The following CARMIL1 variants were observed in gnomAD, a reference collection of about 807,000 sequenced individuals.
CARMIL1 encodes F-actin-uncapping protein LRRC16A.
CARMIL1 carries 90 observed loss-of-function variants against 177.1 expected under a neutral mutation model. The ratio of observed to expected loss-of-function variants is 0.51; its 90% CI spans 0.43 to 0.61. The LOEUF (loss-of-function observed/expected upper bound fraction) is 0.61. CARMIL1 is among the 20% of genes least tolerant of loss of function. The probability of loss-of-function intolerance (pLI) is 0.00; values close to 1 mark genes in which losing one functional copy is unlikely to be tolerated. For synonymous variants in CARMIL1, 577 were observed against 606.2 expected (o/e 0.95, Z 0.71); for missense variants, 1,380 against 1,667.0 (o/e 0.83, Z 3.00).
chr6:25,583,947 G>A (rs80146682), intron 31 of CARMIL1, among the ~76,000 whole-genome samples: 2,931 of 151,554 alleles, frequency 0.019, 82 homozygotes, highest in African/African-American at 0.061. Context: ...CTGCGAAATG[G>A]CTTAAGTTTA....
chr6:25,445,169 AC>A (rs1332948426), intron 5 of CARMIL1, among the ~76,000 whole-genome samples: 1 of 152,182 alleles, frequency 6.6e-6, no homozygotes, highest in Non-Finnish European at 1.5e-5. Flanking sequence ...ATCTCAAGAA[AC>A]TTCTTTCTTT....
At chr6:25,470,196 C>T (rs961933869) in intron 9 of CARMIL1, among the ~76,000 whole-genome samples, 4 of 152,120 alleles carry the variant, frequency 2.6e-5, no homozygotes, top group Non-Finnish European at 4.4e-5. Flanking sequence ...CCTATTTATG[C>T]TCCAGTAGGA....
chr6:25,609,664 G>A (rs1171767298), intron 35 of CARMIL1, among the ~76,000 whole-genome samples: 1 of 152,176 alleles, frequency 6.6e-6, no homozygotes, highest in African/African-American at 2.4e-5. Flanking sequence ...AGTGACTATT[G>A]TACTGGGTTT....
chr6:25,402,229 A>G lies in CARMIL1; in HGVS notation c.139-17885A>G, dbSNP rs1368102767. ...AGAGTGCTTTGAACTTAAAGCAGGA[A>G]GATTGTTCAATTATAATAAGACTCT... is the stretch of plus-strand genomic sequence containing the variant. On this transcript the variant is annotated intron_variant, in intron 2 of 36. Coordinates refer to ENST00000329474, the MANE Select transcript of CARMIL1 (RefSeq NM_017640.6). Among the ~76,000 whole-genome samples the G allele has an allele frequency of 3.9e-5, 6 of 152,238 alleles. No individual in the cohort carries two copies. In the East Asian group the frequency reaches 5.8e-4, roughly 15 times the overall value.
In CARMIL1 at chr6:25,294,229, A is replaced by T. The variant is rs141428004; in HGVS notation, c.138+9320A>T. 1.4e-4 allele frequency among the ~76,000 whole-genome samples: 21 copies of T among 152,270 alleles called. No homozygotes were observed. In the East Asian group the frequency reaches 4.1e-3, roughly 29 times the overall value. On this transcript the variant is annotated intron_variant, in intron 2 of 36. Coordinates refer to ENST00000329474, the MANE Select transcript of CARMIL1 (RefSeq NM_017640.6). ...TGCTTAGTTCCTGCTAAGAAGGCAA[A>T]TGTGTCTATTTCTGCTGATCCCTGG...
chr6:25,322,324 T>A (rs1784750553), intron 2 of CARMIL1, among the ~76,000 whole-genome samples: 1 of 152,126 alleles, frequency 6.6e-6, no homozygotes, highest in Admixed American at 6.5e-5. Flanking sequence ...GGTTTCGCCA[T>A]GTTGGCCAGG....
intron 2 of CARMIL1, among the ~76,000 whole-genome samples, chr6:25,301,023 G>A (rs1340876044): frequency 6.6e-6 from 1 of 152,158 alleles, no homozygotes; most frequent in African/African-American, 2.4e-5. Flanking sequence ...CATGTCCACA[G>A]CTTTCTTTAC....
chr6:25,353,305 C>G (rs1310307067), intron 2 of CARMIL1, among the ~76,000 whole-genome samples: 1 of 152,140 alleles, frequency 6.6e-6, no homozygotes, highest in African/African-American at 2.4e-5. Context: ...GTGTTATTAT[C>G]CCTATTATTC....
At chr6:25,384,583 T>C (rs1298326594) in intron 2 of CARMIL1, among the ~76,000 whole-genome samples, 1 of 152,248 alleles carries the variant, frequency 6.6e-6, no homozygotes, top group Non-Finnish European at 1.5e-5. Flanking sequence ...TATGCCCACA[T>C]GGCACTGTAT....
chr6:25,370,925 C>T (rs1370009724), intron 2 of CARMIL1, among the ~76,000 whole-genome samples: 2 of 151,944 alleles, frequency 1.3e-5, no homozygotes, highest in African/African-American at 4.8e-5. Context: ...CCTCCCCTCC[C>T]CTCTTCTGAG....
At chr6:25,347,837 C>T (rs1445847791) in intron 2 of CARMIL1, among the ~76,000 whole-genome samples, 1 of 152,174 alleles carries the variant, frequency 6.6e-6, no homozygotes, top group Non-Finnish European at 1.5e-5. Context: ...AGGTTCTCAT[C>T]CAGGATATCA....
intron 31 of CARMIL1, among the ~76,000 whole-genome samples, chr6:25,591,211 C>T (rs1486164362): frequency 6.6e-6 from 1 of 152,230 alleles, no homozygotes; most frequent in Non-Finnish European, 1.5e-5. Flanking sequence ...CGCCTACTGT[C>T]TTTCCCTGGT....
chr6:25,517,254 T>C, intron 21 of CARMIL1, 93 bp from the exon 22 acceptor site: 1 of 874,292 alleles, frequency 1.1e-6, no homozygotes, highest in Non-Finnish European at 1.9e-6. Flanking sequence ...TACTGAAATA[T>C]CTACACACTG....
At chr6:25,428,959 T>C (rs1448890998) in intron 4 of CARMIL1, among the ~76,000 whole-genome samples, 2 of 152,242 alleles carry the variant, frequency 1.3e-5, no homozygotes, top group Admixed American at 6.5e-5. Context: ...ACAAAGATGA[T>C]GTCATTTGTG....
chr6:25,616,400 A>G (rs1350432135), intron 36 of CARMIL1, among the ~76,000 whole-genome samples: 1 of 152,082 alleles, frequency 6.6e-6, no homozygotes, highest in African/African-American at 2.4e-5. Flanking sequence ...GACTCTGTCT[A>G]TAGAAAAATA....
chr6:25,471,067 G>A (rs997563420), intron 9 of CARMIL1, 102 bp from the exon 10 acceptor site: 4 of 654,492 alleles, frequency 6.1e-6, no homozygotes, highest in Admixed American at 3.0e-5. Context: ...TTGAATGAGT[G>A]AATGTTTTAC....
chr6:25,514,945 ATAAAAT>A (rs1202742982), intron 20 of CARMIL1, among the ~76,000 whole-genome samples: 48 of 151,770 alleles, frequency 3.2e-4, no homozygotes, highest in African/African-American at 1.1e-3. Flanking sequence ...AAAAAAAAAG[ATAAAAT>A]TAAAGGGTGA....
intron 17 of CARMIL1, among the ~76,000 whole-genome samples, chr6:25,504,563 G>A (rs1804732810): frequency 6.6e-6 from 1 of 152,136 alleles, no homozygotes; most frequent in Non-Finnish European, 1.5e-5. Flanking sequence ...AATCTAAAAT[G>A]TTGGTCTATA....
At chr6:25,332,787 A>ACGCATACACACACACG (rs150427213) in intron 2 of CARMIL1, among the ~76,000 whole-genome samples, 1 of 146,692 alleles carries the variant, frequency 6.8e-6, no homozygotes, top group African/African-American at 2.5e-5. Flanking sequence ...ACACACACAC[A>ACGCATACACACACACG]CACACTTCTT....
Sources: gnomAD v4.1 joint callset for allele counts (sites outside exome capture counted in the v4.1 genomes callset) on GRCh38, gnomAD v4.1.1 for gene constraint, MANE v1.5 for transcripts, NCBI Gene and HGNC (gene_info 2026-07-23, HGNC 2026-07-21) for gene names.